The following FSTL5 variants were observed in gnomAD, a reference collection of about 807,000 sequenced individuals.
FSTL5 encodes follistatin like 5.
In FSTL5, 62 loss-of-function variants were observed where a neutral mutation model predicts 89.1. That is an observed-to-expected ratio of 0.70 (90% CI 0.57 to 0.86). FSTL5 has a LOEUF of 0.86. FSTL5 is among the 40% of genes least tolerant of loss of function. The probability of loss-of-function intolerance (pLI) is 0.00; values close to 1 mark genes in which losing one functional copy is unlikely to be tolerated. For synonymous variants in FSTL5, 383 were observed against 346.2 expected, an observed-to-expected ratio of 1.11 and a Z score of -1.18; for missense variants, 1,057 against 1,001.6, an observed-to-expected ratio of 1.06 and a Z score of -0.75.
intron 3 of FSTL5, among the ~76,000 whole-genome samples, chr4:161,953,536 TA>T (rs1734953879): frequency 6.6e-6 from 1 of 151,678 alleles, no homozygotes; most frequent in Non-Finnish European, 1.5e-5. Context: ...CAACCAAATA[TA>T]AACTCATTTC....
At chr4:162,110,001 C>G (rs1731372084) in intron 2 of FSTL5, among the ~76,000 whole-genome samples, 1 of 151,970 alleles carries the variant, frequency 6.6e-6, no homozygotes, top group Non-Finnish European at 1.5e-5. Flanking sequence ...TAGGAGAAAG[C>G]ATTGATAATT....
At chr4:162,040,944 T>C (rs566691637) in intron 2 of FSTL5, among the ~76,000 whole-genome samples, 8 of 152,202 alleles carry the variant, frequency 5.3e-5, no homozygotes, top group African/African-American at 1.9e-4. Flanking sequence ...AACTGACATA[T>C]CCTTAATGTC....
chr4:161,759,078 T>A (rs1009931756), intron 6 of FSTL5, among the ~76,000 whole-genome samples: 3 of 152,184 alleles, frequency 2.0e-5, no homozygotes, highest in Non-Finnish European at 4.4e-5. Context: ...AGTGTGTAAA[T>A]AATTGTTTTT....
At chr4:161,757,811 G>T (rs1306045547) in intron 6 of FSTL5, among the ~76,000 whole-genome samples, 1 of 151,944 alleles carries the variant, frequency 6.6e-6, no homozygotes, top group Non-Finnish European at 1.5e-5. Flanking sequence ...TAGAGATGGG[G>T]TTTCTCCATG....
In FSTL5 at chr4:161,517,039, C is replaced by T. The variant is rs150829080; in HGVS notation, c.1313-6615G>A. Among the ~76,000 whole-genome samples the T allele has an allele frequency of 4.1e-4, 63 of 152,164 alleles. No individual in the cohort carries two copies. In the East Asian group the frequency reaches 4.4e-3, roughly 11 times the overall value. On this transcript the variant is annotated intron_variant, in intron 10 of 15. Transcript: ENST00000306100. ...GAATAGCTGGGATTACAGAAGTGTGCCACCATACCTGGCTAATTTTTATAT... is the reference window on the plus strand; with the variant it reads ...GAATAGCTGGGATTACAGAAGTGTGTCACCATACCTGGCTAATTTTTATAT...
chr4:161,594,429 T>C lies in FSTL5; in HGVS notation c.895-6854A>G, dbSNP rs754507697. ...CTATGTAGCTACCTAGAGAATATAG[T>C]CTTTCCCTTTCTAGTATAATCAAGA... On this transcript the variant is annotated intron_variant, in intron 7 of 15. Coordinates refer to ENST00000306100, the MANE Select transcript of FSTL5 (RefSeq NM_020116.5). Among the ~76,000 whole-genome samples the C allele has an allele frequency of 2.6e-4, 40 of 152,084 alleles. 1 individual carries two copies. Among genetic ancestry groups the C allele is most frequent in the Non-Finnish European group, 3.1e-4 (21 of 67,990 alleles).
chr4:161,849,086 A>C (rs182122440), intron 4 of FSTL5, among the ~76,000 whole-genome samples: 1 of 152,340 alleles, frequency 6.6e-6, no homozygotes, highest in Admixed American at 6.5e-5. Context: ...TGAACATAGT[A>C]GTTGCTACAT....
At chr4:161,941,372 G>A (rs553284326) in intron 3 of FSTL5, among the ~76,000 whole-genome samples, 1 of 151,910 alleles carries the variant, frequency 6.6e-6, no homozygotes, top group Admixed American at 6.6e-5. Context: ...GATAAAAATG[G>A]TGATTCAATT....
At chr4:161,712,202 C>T (rs1738805151) in intron 6 of FSTL5, among the ~76,000 whole-genome samples, 1 of 152,076 alleles carries the variant, frequency 6.6e-6, no homozygotes, top group African/African-American at 2.4e-5. Context: ...GGAATGGATG[C>T]ACAACCCTAA....
At chr4:161,665,880 TGAAGAA>T (rs147225837) in intron 6 of FSTL5, among the ~76,000 whole-genome samples, 1 of 150,448 alleles carries the variant, frequency 6.6e-6, no homozygotes, top group Admixed American at 6.6e-5. Context: ...AAAAAGAAGA[TGAAGAA>T]GAAGAAGAAG....
chr4:161,635,716 C>T lies in FSTL5; in HGVS notation c.894+20612G>A, dbSNP rs541985799. Among the ~76,000 whole-genome samples, 31 of 152,186 alleles carry T rather than the reference C, an allele frequency of 2.0e-4. No homozygotes were observed. The South Asian group carries it at 5.4e-3, about 26-fold the overall frequency. On this transcript the variant is annotated intron_variant, in intron 7 of 15. Transcript: ENST00000306100. The stretch of plus-strand genomic sequence containing the variant: ...CTTATGAACAACTACTGATTCATTA[C>T]GTCTAGACAAAAGTTGTAACAAAAT...
chr4:162,138,034 C>T (rs1434007259), intron 1 of FSTL5, among the ~76,000 whole-genome samples: 1 of 151,842 alleles, frequency 6.6e-6, no homozygotes, highest in Non-Finnish European at 1.5e-5. Flanking sequence ...GAAAGAGAAG[C>T]AAAAGATAAG....
At chr4:161,638,233 A>C (rs1249913036) in intron 7 of FSTL5, among the ~76,000 whole-genome samples, 1 of 151,594 alleles carries the variant, frequency 6.6e-6, no homozygotes, top group Non-Finnish European at 1.5e-5. Flanking sequence ...GCAATTGTGA[A>C]CGGGAGTTCA....
At chr4:161,803,898 G>C (rs1046835048) in intron 4 of FSTL5, among the ~76,000 whole-genome samples, 1 of 152,014 alleles carries the variant, frequency 6.6e-6, no homozygotes, top group Non-Finnish European at 1.5e-5. Flanking sequence ...TATACGCTGA[G>C]ATGCATTTTT....
At chr4:161,808,304 C>A (rs1730032196) in intron 4 of FSTL5, among the ~76,000 whole-genome samples, 1 of 151,994 alleles carries the variant, frequency 6.6e-6, no homozygotes, top group South Asian at 2.1e-4. Context: ...TAAGATCCAG[C>A]AACTCCACTT....
intron 3 of FSTL5, among the ~76,000 whole-genome samples, chr4:162,002,788 ATTG>A (rs1046607147): frequency 4.9e-5 from 7 of 142,034 alleles, no homozygotes; most frequent in African/African-American, 1.3e-4. Context: ...CACATTTATT[ATTG>A]TTGTTTTTTT....
chr4:161,548,929 CA>C (rs1390948551), intron 8 of FSTL5, among the ~76,000 whole-genome samples: 1 of 151,724 alleles, frequency 6.6e-6, no homozygotes, highest in Non-Finnish European at 1.5e-5. Flanking sequence ...TCCTTTCCAA[CA>C]AAAATTAACA....
In FSTL5 at chr4:161,386,416, T is replaced by C. The variant is rs1360166062; in HGVS notation, c.1875A>G (p.Ala625=). The C allele has an allele frequency of 6.2e-7, 1 of 1,612,756 alleles. No homozygotes were observed. The highest frequency in any genetic ancestry group is 8.5e-7 in the Non-Finnish European group (1 of 1,179,272). ...TGGTTTCAAGATCAATTTTTTGTAG[T>C]GCAGCTTCATCTTTATGAAGAATAA... is the stretch of plus-strand genomic sequence containing the variant. ...FGFILHKDEA[A]LQKIDLETMS... Residue 625 remains alanine, a synonymous_variant, in exon 16 of 16, where the codon GCA becomes GCG. Coordinates refer to ENST00000306100, the MANE Select transcript of FSTL5 (RefSeq NM_020116.5).
At chr4:161,693,613 G>A (rs1738028859) in intron 6 of FSTL5, among the ~76,000 whole-genome samples, 1 of 139,834 alleles carries the variant, frequency 7.2e-6, no homozygotes, top group Admixed American at 7.1e-5. Flanking sequence ...ATAAACAAAT[G>A]TTGATAGTAT....
Sources: gnomAD v4.1 joint callset for allele counts (sites outside exome capture counted in the v4.1 genomes callset) on GRCh38, gnomAD v4.1.1 for gene constraint, MANE v1.5 for transcripts, NCBI Gene and HGNC (gene_info 2026-07-23, HGNC 2026-07-21) for gene names.